GPR137B: variants seen among roughly 807,000 people sequenced by gnomAD.
GPR137B encodes the protein integral membrane protein GPR137B.
GPR137B carries 42 observed loss-of-function variants against 42.5 expected under a neutral mutation model. The ratio of observed to expected loss-of-function variants is 0.99; its 90% confidence interval spans 0.77 to 1.28. The LOEUF (loss-of-function observed/expected upper bound fraction) is 1.28. Ranked by LOEUF, GPR137B falls within the 50% of genes most tolerant of loss-of-function variation. The probability of loss-of-function intolerance (pLI) is 0.00; values close to 1 mark genes in which losing one functional copy is unlikely to be tolerated. For synonymous variants in GPR137B, 218 were observed against 209.7 expected, an observed-to-expected ratio of 1.04 and a Z score of -0.34; for missense variants, 487 against 493.9, an observed-to-expected ratio of 0.99 and a Z score of 0.13.
intron 5 of GPR137B, among the ~76,000 whole-genome samples, chr1:236,189,781 A>G (rs1663135587): frequency 6.6e-6 from 1 of 152,234 alleles, no homozygotes; most frequent in Non-Finnish European, 1.5e-5. Context: ...AGAAGAATGT[A>G]TACTCTGTTA....
In GPR137B at chr1:236,146,725, C is replaced by T. The variant is rs182160869; in HGVS notation, c.414+3689C>T. ...GAGCAAGCTCAATTTGATTAACTTACCCCTAAATCACTGCTTTTAAATTCT... is the reference window on the plus strand; with the variant it reads ...GAGCAAGCTCAATTTGATTAACTTATCCCTAAATCACTGCTTTTAAATTCT... On this transcript the variant is annotated intron_variant, in intron 1 of 6. Coordinates refer to ENST00000366592, the MANE Select transcript of GPR137B (RefSeq NM_003272.4). Among the ~76,000 whole-genome samples, 425 of 152,338 alleles carry T rather than the reference C, an allele frequency of 2.8e-3. 2 individuals are homozygous for T. The highest frequency in any genetic ancestry group is 3.4e-3 in the Non-Finnish European group (231 of 68,030).
At chr1:236,194,338 A>AT (rs1486055596) in intron 5 of GPR137B, among the ~76,000 whole-genome samples, 5 of 152,138 alleles carry the variant, frequency 3.3e-5, no homozygotes, top group African/African-American at 1.2e-4. Flanking sequence ...ATTTTGAGTT[A>AT]TTTTTTGTAT....
rs12401814 is a variant in GPR137B at position 236,152,826 on chromosome 1, G to C, written c.414+9790G>C. Among the ~76,000 whole-genome samples, 2,624 of 152,098 alleles carry C rather than the reference G, an allele frequency of 0.017. 124 individuals are homozygous for C. The East Asian group carries it at 0.18, about 11-fold the overall frequency. On this transcript the variant is annotated intron_variant, in intron 1 of 6. Transcript: ENST00000366592. ...TAATCCCAGCACTTTGGGAGGCTGA[G>C]GTGGGTGGATCATGAGGTCAGGAGT... is the stretch of plus-strand genomic sequence containing the variant.
Position 236,208,828 on chromosome 1 carries a change from T to C in GPR137B, c.*670T>C. ...GTACTTCCTTTCAGTAGGGCGCTAA[T>C]GTATACACATTAATGATAAGTTGAT... On this transcript the variant is annotated 3_prime_UTR_variant, in exon 7 of 7. Transcript: ENST00000366592. 1 of 984,040 alleles carries C rather than the reference T, an allele frequency of 1.0e-6. No homozygotes were observed. The highest frequency in any genetic ancestry group is 1.2e-6 in the Non-Finnish European group (1 of 828,668). 61.0% of individuals were successfully genotyped at this position (984,040 alleles called of 1,614,324 possible).
At position 236,150,788 on chromosome 1, in the gene GPR137B, G is replaced by T. The variant is rs1661835814; in HGVS notation, c.414+7752G>T. Among the ~76,000 whole-genome samples the T allele has an allele frequency of 6.6e-6, 1 of 152,182 alleles. No homozygotes were observed. The highest frequency in any genetic ancestry group is 2.1e-4 in the South Asian group (1 of 4,830). On this transcript the variant is annotated intron_variant, in intron 1 of 6. Coordinates refer to ENST00000366592, the MANE Select transcript of GPR137B (RefSeq NM_003272.4). This position sits in a 1 kb window ranked among gnomAD's most constrained non-coding sequence, Gnocchi z 6.2. ...AGGCAGAACTGGTAGTGACCAGCAG[G>T]GAGGCAGGGCCGGAGCACTGTCCTG...
intron 5 of GPR137B, among the ~76,000 whole-genome samples, chr1:236,191,754 G>A (rs2102919829): frequency 1.3e-5 from 2 of 152,334 alleles, no homozygotes; most frequent in Middle Eastern, 6.8e-3. Flanking sequence ...TGTATGAGGT[G>A]TCTGTCAGCC....
chr1:236,193,462 C>T (rs908039867), intron 5 of GPR137B, among the ~76,000 whole-genome samples: 2 of 152,132 alleles, frequency 1.3e-5, no homozygotes, highest in African/African-American at 4.8e-5. Flanking sequence ...CTATTTTCCA[C>T]AGAGACAGCA....
At chr1:236,181,461 T>C (rs1662875411) in intron 4 of GPR137B, among the ~76,000 whole-genome samples, 1 of 152,178 alleles carries the variant, frequency 6.6e-6, no homozygotes, top group Non-Finnish European at 1.5e-5. Context: ...AGATTAGCCA[T>C]TAACAATAAA....
Position 236,142,748 on chromosome 1 carries a change from G to A in GPR137B, c.126G>A (p.Lys42=), listed in dbSNP as rs1481511828. 3 of 1,609,530 alleles carry A rather than the reference G, an allele frequency of 1.9e-6. No individual in the cohort carries two copies. Among genetic ancestry groups the A allele is most frequent in the South Asian group, 2.2e-5 (2 of 90,958 alleles). ...CCCCGGCCGTGCCCCCCTACGTGAA[G>A]CTTGGCCTCACCGTCGTCTACACCG... ...TLTPAVPPYV[K]LGLTVVYTVF... The change falls in exon 1 of 7, where the codon AAG becomes AAA. Residue 42 remains lysine (K), a synonymous_variant. Coordinates refer to ENST00000366592, the MANE Select transcript of GPR137B (RefSeq NM_003272.4).
At chr1:236,173,362 G>T (rs149099612) in intron 2 of GPR137B, among the ~76,000 whole-genome samples, 8 of 147,590 alleles carry the variant, frequency 5.4e-5, no homozygotes, top group African/African-American at 2.0e-4. Context: ...GAGAAAGGAA[G>T]AAACGAAGGA....
rs572098775 is a variant in GPR137B, at chr1:236,172,659, A to G, written c.464+3904A>G. ...TCTAGCTTTGTGATTTTTTTAAATA[A>G]GTAAAAAATACAGTGAGCCAGGTTT... On this transcript the variant is annotated intron_variant, in intron 2 of 6. Coordinates refer to ENST00000366592, the MANE Select transcript of GPR137B (RefSeq NM_003272.4). Among the ~76,000 whole-genome samples, 60 of 151,742 alleles carry G rather than the reference A, an allele frequency of 4.0e-4. No individual in the cohort carries two copies. In the South Asian group the frequency reaches 0.012, roughly 31 times the overall value.
intron 1 of GPR137B, among the ~76,000 whole-genome samples, chr1:236,153,627 G>T (rs1405603131): frequency 6.6e-6 from 1 of 152,208 alleles, no homozygotes; most frequent in Non-Finnish European, 1.5e-5. Flanking sequence ...TCGCTGCGTG[G>T]AACTTAGCCT....
At chr1:236,204,098 G>T (rs1663579815) in intron 5 of GPR137B, among the ~76,000 whole-genome samples, 1 of 150,126 alleles carries the variant, frequency 6.7e-6, no homozygotes, top group African/African-American at 2.5e-5. Flanking sequence ...TCTTTCCCCG[G>T]TTTGAGGGTT....
In GPR137B at chr1:236,192,539, G is replaced by A. The variant is rs187637965; in HGVS notation, c.966+8633G>A. On this transcript the variant is annotated intron_variant, in intron 5 of 6. Coordinates refer to ENST00000366592, the MANE Select transcript of GPR137B (RefSeq NM_003272.4). ...GTCGGAAAAGTGCAGTATCTGGGCCGGAGTGCACAGTTCCTCAGGTTCAGT... is the reference window on the plus strand; with the variant it reads ...GTCGGAAAAGTGCAGTATCTGGGCCAGAGTGCACAGTTCCTCAGGTTCAGT... Among the ~76,000 whole-genome samples, 35 of 152,208 alleles carry A rather than the reference G, an allele frequency of 2.3e-4. No homozygotes were observed. In the East Asian group the frequency reaches 6.0e-3, roughly 26 times the overall value.
chr1:236,161,975 TG>T (rs1662217222), intron 1 of GPR137B, among the ~76,000 whole-genome samples: 2 of 151,874 alleles, frequency 1.3e-5, no homozygotes, highest in Non-Finnish European at 2.9e-5. Flanking sequence ...GAAGCAACTT[TG>T]GAACTGGGTA....
At chr1:236,158,138 C>T (rs1210985721) in intron 1 of GPR137B, among the ~76,000 whole-genome samples, 1 of 152,134 alleles carries the variant, frequency 6.6e-6, no homozygotes, top group Non-Finnish European at 1.5e-5. Flanking sequence ...TAAACCACAG[C>T]TGGGGCTGGG....
In GPR137B at chr1:236,208,545, T is replaced by G. The variant is rs1663735936; in HGVS notation, c.*387T>G. 1 of 944,742 alleles carries G rather than the reference T, an allele frequency of 1.1e-6. No individual in the cohort carries two copies. The allele number at this position is 944,742 out of a possible 1,614,324, so 58.5% of individuals were successfully genotyped here. A position where few individuals can be genotyped will look rare whatever the true frequency, so the allele number is the denominator to read the frequency against. ...CACTTTAAAAATATAGAATATATGG[T>G]CTAATAGTTTTTTAAAGCTTTTGGA... On this transcript the variant is annotated 3_prime_UTR_variant, in exon 7 of 7. Coordinates refer to ENST00000366592, the MANE Select transcript of GPR137B (RefSeq NM_003272.4).
chr1:236,155,983 G>A lies in GPR137B; in HGVS notation c.415-12723G>A, dbSNP rs573842879. On this transcript the variant is annotated intron_variant, in intron 1 of 6. Coordinates refer to ENST00000366592, the MANE Select transcript of GPR137B (RefSeq NM_003272.4). The surrounding 1 kb of genome is among the most constrained non-coding windows in gnomAD (Gnocchi z 4.6). ...AACGCACACACATGCACACACACGCGCGCGCGCAAACACACATGCATACAC... is the reference window on the plus strand; with the variant it reads ...AACGCACACACATGCACACACACGCACGCGCGCAAACACACATGCATACAC... Among the ~76,000 whole-genome samples, 4 of 152,192 alleles carry A rather than the reference G, an allele frequency of 2.6e-5. No individual in the cohort carries two copies. Among genetic ancestry groups the A allele is most frequent in the East Asian group, 1.9e-4 (1 of 5,166 alleles).
intron 2 of GPR137B, 53 bp from the exon 3 acceptor site, chr1:236,178,361 C>T: frequency 9.4e-7 from 1 of 1,064,696 alleles, no homozygotes. Context: ...TCTCAGTGTC[C>T]TTCTAGACTG....
Sources: gnomAD v4.1 joint callset for allele counts (sites outside exome capture counted in the v4.1 genomes callset) on GRCh38, gnomAD v4.1.1 for gene constraint, Gnocchi (gnomAD v3.1) non-coding constraint, MANE v1.5 for transcripts, NCBI Gene and HGNC (gene_info 2026-07-23, HGNC 2026-07-21) for gene names.